The following NOL4L variants were observed in gnomAD, a reference collection of about 807,000 sequenced individuals.
NOL4L encodes the protein nucleolar protein 4-like.
A neutral mutation model predicts 64.5 loss-of-function variants in NOL4L; 7 were observed. That is an observed-to-expected ratio of 0.11 (90% CI 0.06 to 0.20). The LOEUF is 0.20. Among genes scored for constraint, NOL4L ranks in the 10% least tolerant of loss-of-function variants. The probability of loss-of-function intolerance (pLI) is 1.00; values close to 1 mark genes in which losing one functional copy is unlikely to be tolerated. For synonymous variants in NOL4L, 413 were observed against 401.0 expected, an observed-to-expected ratio of 1.03 and a Z score of -0.36; for missense variants, 680 against 967.1, an observed-to-expected ratio of 0.70 and a Z score of 3.94.
intron 1 of NOL4L, among the ~76,000 whole-genome samples, chr20:32,582,657 G>A (rs776668971): frequency 6.2e-4 from 84 of 134,734 alleles, no homozygotes; most frequent in East Asian, 2.1e-3. Flanking sequence ...TTGGGCCAAG[G>A]CTTCCAGCTC....
chr20:32,584,794 G>A lies in NOL4L; in HGVS notation c.97C>T (p.Arg33Cys). Residue 33 changes from arginine to cysteine, a missense_variant, in exon 1 of 11, where the codon CGC becomes TGC. Arg to Cys is a radical substitution (Grantham distance 180). Transcript: ENST00000621426. The stretch of plus-strand genomic sequence containing the variant: ...GTTTTGGCCGAGTCGCCGTAGGTGC[G>A]CAAGCACCAGTCCCGGAACTGGCGG... ...LGRQFRDWCL[R>C]TYGDSAKTKT... 1 of 1,536,600 alleles carries A rather than the reference G, an allele frequency of 6.5e-7. No individual in the cohort carries two copies. The highest frequency in any genetic ancestry group is 8.7e-7 in the Non-Finnish European group (1 of 1,144,220).
At chr20:32,550,007 A>C (rs1038054564) in intron 1 of NOL4L, among the ~76,000 whole-genome samples, 8 of 152,222 alleles carry the variant, frequency 5.3e-5, no homozygotes, top group African/African-American at 1.9e-4. Context: ...TGGAAACAAC[A>C]CAAATGTCCA....
intron 4 of NOL4L, chr20:32,483,298 A>AG (rs1023960851): frequency 2.2e-6 from 2 of 917,810 alleles, no homozygotes; most frequent in Non-Finnish European, 2.6e-6. Context: ...CAGCCGGAGA[A>AG]GGGGGGCGGC....
chr20:32,548,910 C>A, intron 1 of NOL4L: 1 of 406,308 alleles, frequency 2.5e-6, no homozygotes, highest in Non-Finnish European at 4.9e-6. Flanking sequence ...GGAGAAAGTT[C>A]TTTATGTTCT....
intron 1 of NOL4L, among the ~76,000 whole-genome samples, chr20:32,547,423 T>G (rs2018747327): frequency 6.6e-6 from 1 of 152,106 alleles, no homozygotes; most frequent in African/African-American, 2.4e-5. Flanking sequence ...CCCAAGTAGC[T>G]GGACTACAGG....
rs1052800156 is a variant in NOL4L, at chr20:32,517,315, C to T, written c.589+3496G>A. On this transcript the variant is annotated intron_variant, in intron 3 of 10. Coordinates refer to ENST00000621426, the MANE Select transcript of NOL4L (RefSeq NM_001256798.2). ...CTCCCACCTTCCTGGGGCAGGAACA[C>T]TGGGTCTGCCTCTGGGGCTGGTGCA... Among the ~76,000 whole-genome samples, 5 of 152,238 alleles carry T rather than the reference C, an allele frequency of 3.3e-5. 1 individual carries two copies. Among genetic ancestry groups the T allele is most frequent in the Non-Finnish European group, 5.9e-5 (4 of 68,040 alleles).
At chr20:32,533,326 C>T (rs1247708795) in intron 1 of NOL4L, 5 of 152,168 alleles carry the variant, frequency 3.3e-5, no homozygotes, top group African/African-American at 1.2e-4. Context: ...ATTGGCATCA[C>T]CTGGGAACTT....
At chr20:32,479,191 A>G (rs971860351) in intron 4 of NOL4L, among the ~76,000 whole-genome samples, 1 of 152,232 alleles carries the variant, frequency 6.6e-6, no homozygotes, top group Non-Finnish European at 1.5e-5. Flanking sequence ...GTACACACAG[A>G]TCAGAACCCG....
At chr20:32,573,277 A>C (rs975053153) in intron 1 of NOL4L, among the ~76,000 whole-genome samples, 6 of 152,136 alleles carry the variant, frequency 3.9e-5, no homozygotes, top group Non-Finnish European at 7.3e-5. Flanking sequence ...TCGGCCTCCC[A>C]AAATGCTGGG....
intron 1 of NOL4L, among the ~76,000 whole-genome samples, chr20:32,581,007 C>T (rs773610881): frequency 3.3e-5 from 5 of 152,376 alleles, no homozygotes; most frequent in Middle Eastern, 3.4e-3. Context: ...TTGCTTCCCC[C>T]GCTTGGCAGC....
Position 32,445,513 on chromosome 20 carries a change from TCTTA to T in NOL4L, c.*2079_*2082del, listed in dbSNP as rs751787857. The T allele has an allele frequency of 1.3e-5, 2 of 152,202 alleles. No homozygotes were observed. The highest frequency in any genetic ancestry group is 2.9e-5 in the Non-Finnish European group (2 of 68,040). The allele number at this position is 152,202 out of a possible 1,614,324, so 9.4% of individuals were successfully genotyped here. On this transcript the variant is annotated 3_prime_UTR_variant, in exon 11 of 11. Transcript: ENST00000621426. ...CCTGGGGTAACATTTTTGCAAAAGA[TCTTA>T]CTGATTACTTTGTAGTATTGTTCAC...
intron 1 of NOL4L, among the ~76,000 whole-genome samples, chr20:32,575,508 G>A (rs958248851): frequency 9.2e-5 from 14 of 152,328 alleles, no homozygotes; most frequent in African/African-American, 3.4e-4. Flanking sequence ...GCCCTGTCCC[G>A]TGGGAGGGTG....
intron 1 of NOL4L, among the ~76,000 whole-genome samples, chr20:32,534,631 T>C (rs1199417193): frequency 6.6e-6 from 1 of 151,978 alleles, no homozygotes; most frequent in Non-Finnish European, 1.5e-5. Context: ...GGTGGGAGGA[T>C]CGCTTGAGCT....
intron 1 of NOL4L, among the ~76,000 whole-genome samples, chr20:32,549,436 G>A (rs142267518): frequency 6.6e-6 from 1 of 152,236 alleles, no homozygotes; most frequent in African/African-American, 2.4e-5. Flanking sequence ...CCACTAGGAT[G>A]GCTCTAATCA....
At chr20:32,458,588 C>T (rs1203513309) in intron 5 of NOL4L, among the ~76,000 whole-genome samples, 1 of 152,236 alleles carries the variant, frequency 6.6e-6, no homozygotes, top group Non-Finnish European at 1.5e-5. Flanking sequence ...ACCCACGCTC[C>T]CATGAGCTGC....
chr20:32,527,952 G>T, intron 1 of NOL4L, 39 bp from the exon 2 acceptor site: 1 of 1,504,130 alleles, frequency 6.6e-7, no homozygotes, highest in South Asian at 1.2e-5. Context: ...TGTCAGGAAT[G>T]ATGGCGGGGT....
chr20:32,482,741 G>T (rs1244725242), intron 4 of NOL4L, among the ~76,000 whole-genome samples: 2 of 151,754 alleles, frequency 1.3e-5, no homozygotes, highest in Non-Finnish European at 2.9e-5. Flanking sequence ...CTGCTGAAGT[G>T]GGCTCAACTC....
At chr20:32,475,905 C>T (rs2145485613) in intron 4 of NOL4L, among the ~76,000 whole-genome samples, 1 of 152,318 alleles carries the variant, frequency 6.6e-6, no homozygotes, top group African/African-American at 2.4e-5. Flanking sequence ...GCCTCCACTC[C>T]CTCCCCCACC....
At chr20:32,553,900 C>G (rs1978466030) in intron 1 of NOL4L, among the ~76,000 whole-genome samples, 1 of 152,158 alleles carries the variant, frequency 6.6e-6, no homozygotes, top group South Asian at 2.1e-4. Context: ...TCCTTAGTAA[C>G]ATCAAATGTT....
Sources: gnomAD v4.1 joint callset for allele counts (sites outside exome capture counted in the v4.1 genomes callset) on GRCh38, gnomAD v4.1.1 for gene constraint, MANE v1.5 for transcripts, NCBI Gene and HGNC (gene_info 2026-07-23, HGNC 2026-07-21) for gene names.